The following CSMD3 variants were observed in gnomAD, a reference collection of about 807,000 sequenced individuals.
The protein encoded by CSMD3 is CUB and Sushi multiple domains 3, also known as CUB and sushi domain-containing protein 3.
In CSMD3, 177 loss-of-function variants were observed where a neutral mutation model predicts 435.2. The ratio of observed to expected loss-of-function variants is 0.41; its 90% CI spans 0.36 to 0.46. CSMD3 has a LOEUF of 0.46. CSMD3 is among the 20% of genes least tolerant of loss of function. CSMD3 has a pLI of 0.34. For synonymous variants in CSMD3, 1,656 were observed against 1,520.5 expected (o/e 1.09, Z -2.07); for missense variants, 4,265 against 4,504.6 (o/e 0.95, Z 1.52).
chr8:112,554,582 A>C (rs1290316711), intron 25 of CSMD3, among the ~76,000 whole-genome samples: 1 of 151,908 alleles, frequency 6.6e-6, no homozygotes, highest in Non-Finnish European at 1.5e-5. Context: ...ATTTTGCACT[A>C]TATTGCATCT....
intron 5 of CSMD3, among the ~76,000 whole-genome samples, chr8:113,086,569 T>G (rs2089788534): frequency 6.6e-6 from 1 of 152,152 alleles, no homozygotes; most frequent in Non-Finnish European, 1.5e-5. Context: ...TAATTTATTT[T>G]GTTAAATATT....
At chr8:112,623,946 T>C (rs1420539689) in intron 22 of CSMD3, among the ~76,000 whole-genome samples, 1 of 151,998 alleles carries the variant, frequency 6.6e-6, no homozygotes, top group African/African-American at 2.4e-5. Context: ...GTTTAGAGTA[T>C]CCCAAATCTA....
intron 10 of CSMD3, among the ~76,000 whole-genome samples, chr8:112,874,159 G>T (rs937473479): frequency 1.2e-4 from 18 of 151,962 alleles, no homozygotes; most frequent in Admixed American, 4.6e-4. Flanking sequence ...CCTTAATTTT[G>T]TTATTTACCC....
At chr8:112,791,323 A>G (rs950306850) in intron 13 of CSMD3, among the ~76,000 whole-genome samples, 8 of 145,022 alleles carry the variant, frequency 5.5e-5, no homozygotes, top group African/African-American at 7.4e-5. Context: ...TCCTGTGAAA[A>G]AAAAAAAAAA....
At position 112,976,078 on chromosome 8, in the gene CSMD3, A is replaced by G. The variant is rs2084836577; in HGVS notation, c.1101T>C (p.Ala367=). 2 of 1,613,944 alleles carry G rather than the reference A, an allele frequency of 1.2e-6. No homozygotes were observed. The change falls in exon 7 of 71, where the codon GCT becomes GCC. Residue 367 remains alanine, a synonymous_variant. Coordinates refer to ENST00000297405, the MANE Select transcript of CSMD3 (RefSeq NM_198123.2). ...LEEHNRTTTG[A]IAVASTPADV... is the part of the protein sequence containing the mutation. ...CTGCAGGTGTGCTAGCAACAGCAAT[A>G]GCACCAGTGGTAGTCCTGTTATGCT... is the stretch of plus-strand genomic sequence containing the variant.
At chr8:112,624,927 G>T (rs1834359523) in intron 22 of CSMD3, among the ~76,000 whole-genome samples, 1 of 151,708 alleles carries the variant, frequency 6.6e-6, no homozygotes, top group Non-Finnish European at 1.5e-5. Context: ...TTCTTTTTAG[G>T]TATTTATTTG....
At chr8:112,945,132 C>T (rs1190986239) in intron 9 of CSMD3, among the ~76,000 whole-genome samples, 1 of 151,616 alleles carries the variant, frequency 6.6e-6, no homozygotes, top group Non-Finnish European at 1.5e-5. Context: ...ACTCCATCCT[C>T]ATGTTGTTCA....
At chr8:113,004,674 G>GA (rs1181968154) in intron 6 of CSMD3, among the ~76,000 whole-genome samples, 1 of 151,786 alleles carries the variant, frequency 6.6e-6, no homozygotes, top group Non-Finnish European at 1.5e-5. Context: ...CTAACACAAT[G>GA]AAAAAAGTTA....
At chr8:113,157,549 A>C (rs2091957852) in intron 4 of CSMD3, among the ~76,000 whole-genome samples, 1 of 152,166 alleles carries the variant, frequency 6.6e-6, no homozygotes, top group South Asian at 2.1e-4. Context: ...ACTTTGAAAC[A>C]ACATTATGTG....
At chr8:112,637,437 C>T (rs1244233251) in intron 21 of CSMD3, among the ~76,000 whole-genome samples, 2 of 152,038 alleles carry the variant, frequency 1.3e-5, no homozygotes, top group Non-Finnish European at 2.9e-5. Context: ...ATGATAAAGG[C>T]CCTTCTGCTT....
intron 6 of CSMD3, among the ~76,000 whole-genome samples, chr8:113,015,498 C>G (rs1274527949): frequency 6.6e-6 from 1 of 151,562 alleles, no homozygotes; most frequent in Non-Finnish European, 1.5e-5. Flanking sequence ...AGGCTTGAAT[C>G]AAGAATATAA....
chr8:112,680,750 G>C (rs776699525), intron 16 of CSMD3, among the ~76,000 whole-genome samples: 5 of 151,922 alleles, frequency 3.3e-5, no homozygotes, highest in Non-Finnish European at 7.4e-5. Flanking sequence ...ACACGGTCTG[G>C]GATTACTTCA....
chr8:113,266,546 C>T lies in CSMD3; in HGVS notation c.514+12046G>A, dbSNP rs147822546. Among the ~76,000 whole-genome samples the T allele has an allele frequency of 1.0e-3, 151 of 151,538 alleles. 3 individuals carry two copies. In the East Asian group the frequency reaches 0.024, roughly 24 times the overall value. ...AATACATTTTTTATAGTAAGTGCTT[C>T]GTTAAATTATTGGTCTTTACTATTT... On this transcript the variant is annotated intron_variant, in intron 3 of 70. Transcript: ENST00000297405.
chr8:113,349,164 A>C (rs530865040), intron 1 of CSMD3, among the ~76,000 whole-genome samples: 2 of 152,058 alleles, frequency 1.3e-5, no homozygotes, highest in African/African-American at 4.8e-5. Context: ...TACCAAATCA[A>C]TGAGTCTTCA....
chr8:112,369,200 T>C (rs1479096567), intron 38 of CSMD3, among the ~76,000 whole-genome samples: 4 of 152,110 alleles, frequency 2.6e-5, no homozygotes, highest in Non-Finnish European at 5.9e-5. Flanking sequence ...TAGTTTTCTT[T>C]GCTTTTATTA....
intron 3 of CSMD3, among the ~76,000 whole-genome samples, chr8:113,269,038 A>G (rs1422786258): frequency 1.3e-5 from 2 of 152,174 alleles, no homozygotes; most frequent in Admixed American, 6.6e-5. Context: ...ATTGCAAAAT[A>G]TAAATGTCAA....
chr8:112,922,341 T>G (rs2082770070), intron 9 of CSMD3, among the ~76,000 whole-genome samples: 1 of 152,088 alleles, frequency 6.6e-6, no homozygotes, highest in South Asian at 2.1e-4. Context: ...ATCCCCCTCA[T>G]GAATTTATCC....
chr8:113,432,855 C>T (rs1376916350), intron 1 of CSMD3, among the ~76,000 whole-genome samples: 1 of 152,160 alleles, frequency 6.6e-6, no homozygotes, highest in Non-Finnish European at 1.5e-5. Flanking sequence ...CAGGCGTTTC[C>T]GCCTAGGACA....
intron 5 of CSMD3, among the ~76,000 whole-genome samples, chr8:113,051,084 G>GA (rs929031305): frequency 6.6e-6 from 1 of 151,924 alleles, no homozygotes; most frequent in African/African-American, 2.4e-5. Context: ...CATTAAAAGT[G>GA]AAAAAAATAC....
Sources: gnomAD v4.1 joint callset for allele counts (sites outside exome capture counted in the v4.1 genomes callset) on GRCh38, gnomAD v4.1.1 for gene constraint, MANE v1.5 for transcripts, NCBI Gene and HGNC (gene_info 2026-07-23, HGNC 2026-07-21) for gene names.